The following LRPAP1 variants were observed in gnomAD, a reference collection of about 807,000 sequenced individuals.
The protein encoded by LRPAP1 is alpha-2-macroglobulin receptor-associated protein.
A neutral mutation model predicts 39.9 loss-of-function variants in LRPAP1; 41 were observed. That is an observed-to-expected ratio of 1.03 (90% CI 0.80 to 1.33). The LOEUF (loss-of-function observed/expected upper bound fraction) is 1.33, where lower values mean the gene tolerates loss of function less well. LRPAP1 is among the 40% of genes most tolerant of loss of function. The probability of loss-of-function intolerance (pLI) is 0.00; values close to 1 mark genes in which losing one functional copy is unlikely to be tolerated. For synonymous variants in LRPAP1, 263 were observed against 212.7 expected, an observed-to-expected ratio of 1.24 and a Z score of -2.06; for missense variants, 565 against 482.3, an observed-to-expected ratio of 1.17 and a Z score of -1.61.
In LRPAP1 at chr4:3,515,942, TC is replaced by T. The variant is rs1330155388; in HGVS notation, c.834+173del. On this transcript the variant is annotated intron_variant, in intron 6 of 7. Coordinates refer to ENST00000650182, the MANE Select transcript of LRPAP1 (RefSeq NM_002337.4). ...CTGGCCCCGCCCCTGAAACACGAGT[TC>T]CCACGCAGATGAGAAGGAAAACGCA... The T allele has an allele frequency of 9.3e-6, 6 of 646,242 alleles. No homozygotes were observed. The Admixed American group carries it at 1.7e-4, about 18-fold the overall frequency. The allele number at this position is 646,242 out of a possible 1,614,324, so 40.0% of individuals were successfully genotyped here. A position where few individuals can be genotyped will look rare whatever the true frequency, so the allele number is the denominator to read the frequency against.
At chr4:3,530,390 G>T (rs1326391461) in intron 1 of LRPAP1, among the ~76,000 whole-genome samples, 1 of 152,218 alleles carries the variant, frequency 6.6e-6, no homozygotes, top group African/African-American at 2.4e-5. Context: ...ATAGTACCAG[G>T]CTCTCTGGAA....
rs966413971 is a variant in LRPAP1 at position 3,507,865 on chromosome 4, C to G, written c.*5109G>C. The G allele has an allele frequency of 6.6e-6, 1 of 152,080 alleles. No individual in the cohort carries two copies. Among genetic ancestry groups the G allele is most frequent in the Admixed American group, 6.6e-5 (1 of 15,262 alleles). The allele number at this position is 152,080 out of a possible 1,614,324, so 9.4% of individuals were successfully genotyped here. ...GGGGGAAAAGAAAACACAAATGGCC[C>G]AGAGCAGGAATGAGAATGGACATCA... On this transcript the variant is annotated 3_prime_UTR_variant, in exon 8 of 8. Coordinates refer to ENST00000650182, the MANE Select transcript of LRPAP1 (RefSeq NM_002337.4).
chr4:3,514,683 T>A, intron 7 of LRPAP1, 69 bp downstream of exon 7: 1 of 1,521,446 alleles, frequency 6.6e-7, no homozygotes, highest in Non-Finnish European at 8.8e-7. Context: ...AGCCCTGAGC[T>A]GCATGTGGGC....
rs745972046 is a variant in LRPAP1, at chr4:3,514,719, T to C, written c.1011+33A>G. ...GGCCTCATCTTTCCTGCAGGGGAAC[T>C]GTGGCCTCCCCGGTCCTGGAACCCG... On this transcript the variant is annotated intron_variant, in intron 7 of 7. Coordinates refer to ENST00000650182, the MANE Select transcript of LRPAP1 (RefSeq NM_002337.4). 7 of 1,568,316 alleles carry C rather than the reference T, an allele frequency of 4.5e-6. No individual in the cohort carries two copies. In the African/African-American group the frequency reaches 6.8e-5, roughly 15 times the overall value.
Position 3,518,072 on chromosome 4 carries a change from A to G in LRPAP1, c.713T>C (p.Leu238Pro). ...LRSINQGLDRLRRVSHQGYST... is the reference protein window; with the variant it reads ...LRSINQGLDRPRRVSHQGYST... ...GTAGCCCTGGTGGCTGACCCTGCGC[A>G]GGCGGTCCAGGCCCTGGTTGATGCT... The change falls in exon 5 of 8, where the codon CTG (leucine) becomes CCG (proline). Residue 238 changes from leucine (L) to proline (P), a missense_variant. Leu to Pro is a moderately conservative substitution (Grantham distance 98). Coordinates refer to ENST00000650182, the MANE Select transcript of LRPAP1 (RefSeq NM_002337.4). 6.2e-7 allele frequency: 1 copy of G among 1,612,406 alleles called. No individual in the cohort carries two copies. Among genetic ancestry groups the G allele is most frequent in the South Asian group, 1.1e-5 (1 of 90,982 alleles).
chr4:3,525,650 G>C (rs1387320261), intron 1 of LRPAP1, among the ~76,000 whole-genome samples: 1 of 152,108 alleles, frequency 6.6e-6, no homozygotes, highest in Non-Finnish European at 1.5e-5. Context: ...GCAGCGCCCC[G>C]GAACGAGCTG....
intron 1 of LRPAP1, among the ~76,000 whole-genome samples, chr4:3,531,392 G>T (rs1157671873): frequency 3.3e-5 from 4 of 122,694 alleles, no homozygotes; most frequent in South Asian, 2.7e-4. Flanking sequence ...TATTGAGACA[G>T]AGATCTAATC....
chr4:3,530,138 C>T (rs929450633), intron 1 of LRPAP1, among the ~76,000 whole-genome samples: 3 of 152,308 alleles, frequency 2.0e-5, no homozygotes, highest in East Asian at 1.9e-4. Context: ...TACGTTTGAA[C>T]TGACTGTGGC....
rs2228158 is a variant in LRPAP1, at chr4:3,524,915, T to C, written c.341A>G (p.Asn114Ser). The C allele has an allele frequency of 0.022, 36,205 of 1,614,136 alleles. 570 individuals are homozygous for C. The highest frequency in any genetic ancestry group is 0.072 in the Middle Eastern group (437 of 6,062). ...DGEKEARLIRNLNVILAKYGL... is the reference protein window; with the variant it reads ...DGEKEARLIRSLNVILAKYGL... ...GAAAGAAACAAACGTACCATTGAGGTTGCGTATGAGTCTCGCTTCCTTCTC... is the reference window on the plus strand; with the variant it reads ...GAAAGAAACAAACGTACCATTGAGGCTGCGTATGAGTCTCGCTTCCTTCTC... The change falls in exon 2 of 8, where the codon AAC becomes AGC. Residue 114 changes from asparagine (N) to serine (S), a missense_variant. Transcript: ENST00000650182.
chr4:3,511,610 T>C lies in LRPAP1; in HGVS notation c.*1364A>G, dbSNP rs1256281859. 1.3e-5 allele frequency: 2 copies of C among 152,322 alleles called. No individual in the cohort carries two copies. Among genetic ancestry groups the C allele is most frequent in the East Asian group, 3.8e-4 (2 of 5,202 alleles). The allele number at this position is 152,322 out of a possible 1,614,324, so 9.4% of individuals were successfully genotyped here. A position where few individuals can be genotyped will look rare whatever the true frequency, so the allele number is the denominator to read the frequency against. On this transcript the variant is annotated 3_prime_UTR_variant, in exon 8 of 8. Transcript: ENST00000650182. ...CGACATGCTGCCTCTAGCCTTGACC[T>C]TTCTCAGAAATGATAGCTTAGCGGA...
chr4:3,514,704 T>C lies in LRPAP1; in HGVS notation c.1011+48A>G, dbSNP rs371425699. ...GAGCTGCATGTGGGCGGCCTCATCT[T>C]TCCTGCAGGGGAACTGTGGCCTCCC... is the stretch of plus-strand genomic sequence containing the variant. On this transcript the variant is annotated intron_variant, in intron 7 of 7. Coordinates refer to ENST00000650182, the MANE Select transcript of LRPAP1 (RefSeq NM_002337.4). The C allele has an allele frequency of 4.9e-4, 760 of 1,552,060 alleles. 3 individuals are homozygous for C. The African/African-American group carries it at 8.9e-3, about 18-fold the overall frequency.
rs1287099502 is a variant in LRPAP1 at position 3,514,764 on chromosome 4, C to T, written c.999G>A (p.Glu333=). The T allele has an allele frequency of 1.2e-6, 2 of 1,609,166 alleles. No homozygotes were observed. The highest frequency in any genetic ancestry group is 1.7e-6 in the Non-Finnish European group (2 of 1,178,938). Residue 333 remains glutamate, a synonymous_variant, in exon 7 of 8, where the codon GAG becomes GAA. Coordinates refer to ENST00000650182, the MANE Select transcript of LRPAP1 (RefSeq NM_002337.4). ...AACCCGTGCGCACCGTGTAGCCCAG[C>T]TCCTTGGTCCGCCCCTCCAGCAGGG... ...KHALLEGRTK[E]LGYTVKKHLQ...
At chr4:3,519,075 C>A in intron 3 of LRPAP1, 84 bp from the exon 4 acceptor site, 1 of 1,560,244 alleles carries the variant, frequency 6.4e-7, no homozygotes, top group South Asian at 1.2e-5. Context: ...TCCTCATGGC[C>A]AGGCAGGCCC....
In LRPAP1 at chr4:3,520,412, C is replaced by T. The variant is rs115467015; in HGVS notation, c.350-219G>A. Among the ~76,000 whole-genome samples, 654 of 152,324 alleles carry T rather than the reference C, an allele frequency of 4.3e-3. 3 individuals carry two copies. Among genetic ancestry groups the T allele is most frequent in the Middle Eastern group, 0.031 (9 of 294 alleles). On this transcript the variant is annotated intron_variant, in intron 2 of 7. Transcript: ENST00000650182. Reference sequence around the variant, plus strand: ...TCCCAGCACTTAGGAACGGGTCTGGCGACTCACGGGACACCCCCAGGACCT... The same window carrying T: ...TCCCAGCACTTAGGAACGGGTCTGGTGACTCACGGGACACCCCCAGGACCT...
intron 3 of LRPAP1, 44 bp downstream of exon 3, chr4:3,520,023 CAACGT>C (rs886726211): frequency 6.3e-7 from 1 of 1,596,280 alleles, no homozygotes. Flanking sequence ...CCTTAACACT[CAACGT>C]AACGGCACCA....
intron 2 of LRPAP1, 40 bp downstream of exon 2, chr4:3,524,867 G>C (rs1214664387): frequency 6.2e-7 from 1 of 1,604,842 alleles, no homozygotes. Context: ...CATTTAGGAA[G>C]AGGGATACTC....
chr4:3,531,978 G>T, intron 1 of LRPAP1: 1 of 577,506 alleles, frequency 1.7e-6, no homozygotes, highest in Non-Finnish European at 3.0e-6. Flanking sequence ...GGTGCCGGCC[G>T]CCACCTGCTT....
chr4:3,522,134 A>AG (rs1194196441), intron 2 of LRPAP1, among the ~76,000 whole-genome samples: 1 of 152,246 alleles, frequency 6.6e-6, no homozygotes, highest in East Asian at 1.9e-4. Flanking sequence ...CGTCCTGCCC[A>AG]GACCCCCAAG....
rs1303503825 is a variant in LRPAP1 at position 3,507,921 on chromosome 4, T to A, written c.*5053A>T. On this transcript the variant is annotated 3_prime_UTR_variant, in exon 8 of 8. Transcript: ENST00000650182. ...CAGAGGATACTGTGAATGATTTATG[T>A]AAATTGTTTTGATAACTTAGATGAA... 6.6e-6 allele frequency: 1 copy of A among 152,252 alleles called. No homozygotes were observed. The highest frequency in any genetic ancestry group is 1.5e-5 in the Non-Finnish European group (1 of 68,048). 9.4% of individuals were successfully genotyped at this position (152,252 alleles called of 1,614,324 possible).
Sources: gnomAD v4.1 joint callset for allele counts (sites outside exome capture counted in the v4.1 genomes callset) on GRCh38, gnomAD v4.1.1 for gene constraint, MANE v1.5 for transcripts, NCBI Gene and HGNC (gene_info 2026-07-23, HGNC 2026-07-21) for gene names.